Variants in AFG2A observed in about 807,000 individuals in gnomAD.
The protein encoded by AFG2A is ATPase family gene 2 protein homolog A.
At chr4:122,976,694 T>C in the AFG2A span, among the ~76,000 whole-genome samples, 1 of 152,182 alleles carries the variant, frequency 6.6e-6, no homozygotes, top group African/African-American at 2.4e-5. Context: ...TTTGCTTCGC[T>C]CTTGTATTTC....
At chr4:123,001,505 C>G in the AFG2A span, among the ~76,000 whole-genome samples, 1 of 150,948 alleles carries the variant, frequency 6.6e-6, no homozygotes, top group Non-Finnish European at 1.5e-5. Flanking sequence ...TATGTTGTGT[C>G]TTTGTTCTCG....
the AFG2A span, among the ~76,000 whole-genome samples, chr4:123,130,115 C>G: frequency 6.6e-6 from 1 of 151,956 alleles, no homozygotes; most frequent in Admixed American, 6.6e-5. Context: ...CTCAAACCAT[C>G]CCCCACCTCA....
At chr4:122,947,229 T>C in the AFG2A span, 42 of 1,556,428 alleles carry the variant, frequency 2.7e-5, no homozygotes, top group Middle Eastern at 1.7e-4. Context: ...TTTTATTTTG[T>C]TAGGAAGTAA....
chr4:122,972,721 G>A, the AFG2A span, among the ~76,000 whole-genome samples: 1 of 151,672 alleles, frequency 6.6e-6, no homozygotes, highest in Non-Finnish European at 1.5e-5. Context: ...TCAAATATTT[G>A]TGTATTTCTT....
At chr4:123,080,468 C>T in the AFG2A span, among the ~76,000 whole-genome samples, 1 of 152,154 alleles carries the variant, frequency 6.6e-6, no homozygotes, top group African/African-American at 2.4e-5. Context: ...TCTGGCAGCC[C>T]CATCTGACTA....
chr4:122,925,846 G>C, the AFG2A span, among the ~76,000 whole-genome samples: 2 of 152,190 alleles, frequency 1.3e-5, no homozygotes, highest in Non-Finnish European at 2.9e-5. Context: ...AAAGTGCCTA[G>C]CATAGTATCT....
the AFG2A span, among the ~76,000 whole-genome samples, chr4:123,215,236 T>C: frequency 6.6e-6 from 1 of 152,112 alleles, no homozygotes; most frequent in Non-Finnish European, 1.5e-5. Context: ...AAGACAAAAT[T>C]GACATAACAG....
At chr4:123,227,896 T>C in the AFG2A span, among the ~76,000 whole-genome samples, 1 of 152,328 alleles carries the variant, frequency 6.6e-6, no homozygotes, top group East Asian at 1.9e-4. Context: ...TGGGTGCTCT[T>C]GTATTGTGTG....
At chr4:123,161,377 G>GAA in the AFG2A span, among the ~76,000 whole-genome samples, 1 of 152,282 alleles carries the variant, frequency 6.6e-6, no homozygotes, top group Middle Eastern at 3.4e-3. Flanking sequence ...GAACATTTAG[G>GAA]AAGGATATAC....
the AFG2A span, among the ~76,000 whole-genome samples, chr4:123,087,686 C>T: frequency 6.6e-6 from 1 of 152,142 alleles, no homozygotes; most frequent in East Asian, 1.9e-4. Context: ...AATTGCATTT[C>T]CAGTTGTCCT....
At chr4:123,103,275 G>T in the AFG2A span, among the ~76,000 whole-genome samples, 1 of 152,024 alleles carries the variant, frequency 6.6e-6, no homozygotes, top group Non-Finnish European at 1.5e-5. Flanking sequence ...TTTAAGTGTG[G>T]GTTTGTGTGA....
At chr4:123,103,280 G>A in the AFG2A span, among the ~76,000 whole-genome samples, 1 of 152,094 alleles carries the variant, frequency 6.6e-6, no homozygotes, top group Non-Finnish European at 1.5e-5. Flanking sequence ...GTGTGGGTTT[G>A]TGTGAGTTGA....
the AFG2A span, among the ~76,000 whole-genome samples, chr4:123,067,187 T>C: frequency 1.3e-5 from 2 of 152,106 alleles, no homozygotes; most frequent in African/African-American, 2.4e-5. Context: ...TTTTTGGGGT[T>C]TCTTACAAGC....
At chr4:123,190,193 G>A in the AFG2A span, among the ~76,000 whole-genome samples, 1 of 152,036 alleles carries the variant, frequency 6.6e-6, no homozygotes, top group Non-Finnish European at 1.5e-5. Context: ...AATGTGTATC[G>A]GCTTAAATAT....
At chr4:123,015,604 A>G in the AFG2A span, among the ~76,000 whole-genome samples, 1 of 150,834 alleles carries the variant, frequency 6.6e-6, no homozygotes, top group Non-Finnish European at 1.5e-5. Context: ...AGACATGGCA[A>G]CCATCCGATT....
chr4:123,036,990 T>A, the AFG2A span, among the ~76,000 whole-genome samples: 1 of 152,150 alleles, frequency 6.6e-6, no homozygotes, highest in African/African-American at 2.4e-5. Flanking sequence ...TTCTATCTTA[T>A]GTGAGTTTGG....
the AFG2A span, among the ~76,000 whole-genome samples, chr4:123,143,651 A>G: frequency 6.6e-6 from 1 of 151,956 alleles, no homozygotes; most frequent in Non-Finnish European, 1.5e-5. Flanking sequence ...ATGTTAATAA[A>G]TTGGCATTAT....
the AFG2A span, among the ~76,000 whole-genome samples, chr4:123,172,484 T>A: frequency 6.6e-6 from 1 of 152,208 alleles, no homozygotes; most frequent in African/African-American, 2.4e-5. Flanking sequence ...TTTAGTGAAA[T>A]GTTGCCTCTT....
the AFG2A span, among the ~76,000 whole-genome samples, chr4:122,997,561 T>C: frequency 1.3e-5 from 2 of 152,318 alleles, no homozygotes; most frequent in Middle Eastern, 3.4e-3. Flanking sequence ...AATTGGGTTG[T>C]TTCTACTTTT....
Sources: allele counts gnomAD v4.1 joint callset (sites outside exome capture counted in the v4.1 genomes callset), GRCh38; gene constraint gnomAD v4.1.1; transcripts MANE v1.5; gene names NCBI Gene and HGNC (gene_info 2026-07-23, HGNC 2026-07-21).